NMNAT2: variants seen among roughly 807,000 people sequenced by gnomAD.
The protein encoded by NMNAT2 is nicotinamide nucleotide adenylyltransferase 2.
NMNAT2 carries 11 observed loss-of-function variants against 41.6 expected under a neutral mutation model. The observed-to-expected ratio is 0.26, with a 90% CI of 0.17 to 0.44. NMNAT2 has a LOEUF of 0.44. NMNAT2 is among the 20% of genes least tolerant of loss of function. The pLI, the probability that NMNAT2 is intolerant of heterozygous loss-of-function variation, is 1.00. For missense variants in NMNAT2, 288 were observed against 407.7 expected, an observed-to-expected ratio of 0.71 and a Z score of 2.53; for synonymous variants, 148 against 151.2, an observed-to-expected ratio of 0.98 and a Z score of 0.16.
chr1:183,289,737 G>T (rs1264682435), intron 4 of NMNAT2, among the ~76,000 whole-genome samples: 1 of 152,166 alleles, frequency 6.6e-6, no homozygotes, highest in African/African-American at 2.4e-5. Flanking sequence ...TCCCCTAAGT[G>T]CTTCTCTCTT....
intron 1 of NMNAT2, among the ~76,000 whole-genome samples, chr1:183,413,906 C>T (rs1439125057): frequency 6.6e-6 from 1 of 152,144 alleles, no homozygotes; most frequent in South Asian, 2.1e-4. Context: ...CGCGCCCGGC[C>T]TAGAAATATT....
At chr1:183,371,251 G>C (rs1296984479) in intron 1 of NMNAT2, among the ~76,000 whole-genome samples, 1 of 152,192 alleles carries the variant, frequency 6.6e-6, no homozygotes, top group Non-Finnish European at 1.5e-5. Context: ...TCCAATGATA[G>C]GACATTTTGA....
chr1:183,340,306 G>C (rs1308133567), intron 1 of NMNAT2, among the ~76,000 whole-genome samples: 1 of 146,498 alleles, frequency 6.8e-6, no homozygotes, highest in East Asian at 2.1e-4. Flanking sequence ...TCCTGGCACT[G>C]TTTCCCTGGG....
chr1:183,414,508 T>C (rs4652800), intron 1 of NMNAT2, among the ~76,000 whole-genome samples: 57,663 of 152,090 alleles, frequency 0.38, 12,401 homozygotes, highest in East Asian at 0.64. Context: ...GTTACATTTT[T>C]TAAAACTTCC....
intron 7 of NMNAT2, 91 bp downstream of exon 7, chr1:183,283,904 T>G (rs1312673791): frequency 7.8e-7 from 1 of 1,285,764 alleles, no homozygotes; most frequent in African/African-American, 1.5e-5. Flanking sequence ...AGTCCCTGGG[T>G]TTTCAAGCCT....
chr1:183,417,070 A>G (rs1218530116), intron 1 of NMNAT2, among the ~76,000 whole-genome samples: 1 of 152,036 alleles, frequency 6.6e-6, no homozygotes, highest in East Asian at 1.9e-4. Context: ...CCCAACTTCT[A>G]ACTTCTCAAT....
chr1:183,401,000 A>G (rs1275824917), intron 1 of NMNAT2, among the ~76,000 whole-genome samples: 1 of 152,238 alleles, frequency 6.6e-6, no homozygotes, highest in Non-Finnish European at 1.5e-5. Context: ...GGACATAGGC[A>G]TGGGCAAGGA....
chr1:183,373,623 T>TC (rs1233480950), intron 1 of NMNAT2, among the ~76,000 whole-genome samples: 3 of 151,184 alleles, frequency 2.0e-5, no homozygotes, highest in African/African-American at 7.2e-5. Flanking sequence ...TTTATTCTTT[T>TC]TTTTTTTTTT....
intron 1 of NMNAT2, among the ~76,000 whole-genome samples, chr1:183,361,162 G>A (rs1234361529): frequency 2.0e-5 from 3 of 152,134 alleles, no homozygotes; most frequent in South Asian, 4.1e-4. Context: ...TTATTAAATT[G>A]ACACAACATT....
chr1:183,374,981 A>G (rs979022339), intron 1 of NMNAT2, among the ~76,000 whole-genome samples: 6 of 152,206 alleles, frequency 3.9e-5, no homozygotes, highest in African/African-American at 9.7e-5. Flanking sequence ...GAGTGTTGAC[A>G]TTCATCGATC....
intron 1 of NMNAT2, among the ~76,000 whole-genome samples, chr1:183,384,668 T>C (rs980725759): frequency 2.6e-5 from 4 of 152,174 alleles, no homozygotes; most frequent in African/African-American, 9.7e-5. Flanking sequence ...ATCCAAACCA[T>C]ATTACTCTGG....
intron 1 of NMNAT2, among the ~76,000 whole-genome samples, chr1:183,335,833 C>T (rs1662669538): frequency 6.6e-6 from 1 of 152,182 alleles, no homozygotes; most frequent in African/African-American, 2.4e-5. Flanking sequence ...CTAACCAGTG[C>T]TTGACACATT....
chr1:183,357,219 CTTTTTTTTTTTTTTTTT>C (rs11343113), intron 1 of NMNAT2, among the ~76,000 whole-genome samples: 2 of 71,600 alleles, frequency 2.8e-5, no homozygotes, highest in African/African-American at 1.2e-4. Flanking sequence ...ACATCAAATT[CTTTTTTTTTTTTTTTTT>C]TTTTTTTTTT....
intron 8 of NMNAT2, among the ~76,000 whole-genome samples, chr1:183,277,659 C>A (rs114232563): frequency 6.6e-6 from 1 of 152,132 alleles, no homozygotes; most frequent in East Asian, 1.9e-4. Context: ...TAAATGTACA[C>A]GAACATATTT....
intron 1 of NMNAT2, among the ~76,000 whole-genome samples, chr1:183,396,837 G>A (rs1450962076): frequency 6.6e-6 from 1 of 152,144 alleles, no homozygotes; most frequent in Non-Finnish European, 1.5e-5. Flanking sequence ...TCTGCCTTAT[G>A]CCCCTCAGTC....
intron 1 of NMNAT2, among the ~76,000 whole-genome samples, chr1:183,394,654 C>T (rs546830370): frequency 7.3e-4 from 111 of 152,250 alleles, no homozygotes; most frequent in African/African-American, 2.5e-3. Context: ...TGACTGTCAG[C>T]CCCAGATCCT....
At chr1:183,401,756 TC>T (rs1299778634) in intron 1 of NMNAT2, among the ~76,000 whole-genome samples, 1 of 152,126 alleles carries the variant, frequency 6.6e-6, no homozygotes, top group African/African-American at 2.4e-5. Flanking sequence ...TGAGTTCATG[TC>T]CTTTGTAGGG....
At chr1:183,390,116 C>T (rs188463495) in intron 1 of NMNAT2, among the ~76,000 whole-genome samples, 12 of 152,066 alleles carry the variant, frequency 7.9e-5, no homozygotes, top group South Asian at 6.2e-4. Flanking sequence ...AGCAGTGGTA[C>T]GGGAAGGTGG....
At position 183,304,853 on chromosome 1, in the gene NMNAT2, C is replaced by T; in HGVS notation, c.86-11060G>A. ...TTGCTGATCTTGTTTGCTCCACTAC[C>T]TCCAGCTTGGGAGAATTTGAATCCC... On this transcript the variant is annotated intron_variant, in intron 1 of 10. Transcript: ENST00000287713. The T allele has an allele frequency of 1.9e-6, 3 of 1,569,522 alleles. No individual in the cohort carries two copies. In the South Asian group the frequency reaches 3.5e-5, roughly 18 times the overall value.
Sources: allele counts gnomAD v4.1 joint callset (sites outside exome capture counted in the v4.1 genomes callset), GRCh38; gene constraint gnomAD v4.1.1; transcripts MANE v1.5; gene names NCBI Gene and HGNC (gene_info 2026-07-23, HGNC 2026-07-21).